NYAP2: variants seen among roughly 807,000 people sequenced by gnomAD.
The protein encoded by NYAP2 is neuronal tyrosine-phosphorylated phosphoinositide-3-kinase adaptor 2.
A neutral mutation model predicts 50.4 loss-of-function variants in NYAP2; 23 were observed. The ratio of observed to expected loss-of-function variants is 0.46; its 90% CI spans 0.33 to 0.65. The LOEUF is 0.65. Among genes scored for constraint, NYAP2 ranks in the 30% least tolerant of loss-of-function variants. NYAP2 has a pLI of 0.02. For synonymous variants in NYAP2, 394 were observed against 365.2 expected, an observed-to-expected ratio of 1.08 and a Z score of -0.90; for missense variants, 885 against 861.0, an observed-to-expected ratio of 1.03 and a Z score of -0.35.
At chr2:225,476,913 A>T (rs1690123775) in intron 3 of NYAP2, among the ~76,000 whole-genome samples, 2 of 152,210 alleles carry the variant, frequency 1.3e-5, no homozygotes, top group Non-Finnish European at 2.9e-5. Flanking sequence ...AATTGACTTT[A>T]AAAAACGGCT....
At chr2:225,407,604 A>C (rs895893652) in intron 2 of NYAP2, among the ~76,000 whole-genome samples, 1 of 152,026 alleles carries the variant, frequency 6.6e-6, no homozygotes, top group South Asian at 2.1e-4. Flanking sequence ...AATCAGAATG[A>C]AAATTATTTG....
intron 6 of NYAP2, among the ~76,000 whole-genome samples, chr2:225,628,313 TA>T (rs1170052878): frequency 6.8e-5 from 10 of 147,676 alleles, no homozygotes; most frequent in Non-Finnish European, 1.5e-4. Flanking sequence ...AGAGAACACA[TA>T]GTTTTTTTTT....
At chr2:225,498,272 A>T (rs1406483031) in intron 3 of NYAP2, among the ~76,000 whole-genome samples, 1 of 152,176 alleles carries the variant, frequency 6.6e-6, no homozygotes, top group Non-Finnish European at 1.5e-5. Context: ...ATATGAAGGA[A>T]GTTCACTAAA....
intron 4 of NYAP2, among the ~76,000 whole-genome samples, chr2:225,547,149 A>G (rs963724382): frequency 1.3e-5 from 2 of 152,144 alleles, no homozygotes; most frequent in Non-Finnish European, 2.9e-5. Context: ...CTGCACTGCC[A>G]AGCAAACCAT....
intron 4 of NYAP2, among the ~76,000 whole-genome samples, chr2:225,561,237 A>G (rs544816677): frequency 6.6e-6 from 1 of 152,204 alleles, no homozygotes; most frequent in East Asian, 1.9e-4. Context: ...TGATGAGGTG[A>G]TATTTGACCT....
At chr2:225,472,466 C>A (rs1690027072) in intron 3 of NYAP2, among the ~76,000 whole-genome samples, 1 of 152,154 alleles carries the variant, frequency 6.6e-6, no homozygotes, top group Non-Finnish European at 1.5e-5. Context: ...TGCATTGCAG[C>A]CTGACAGCAT....
At chr2:225,686,050 G>C in the NYAP2 span, among the ~76,000 whole-genome samples, 1 of 152,074 alleles carries the variant, frequency 6.6e-6, no homozygotes, top group Non-Finnish European at 1.5e-5. Flanking sequence ...TGTATGCTCT[G>C]TATACATGCA....
At chr2:225,641,422 A>AACAC (rs56041107) in intron 6 of NYAP2, among the ~76,000 whole-genome samples, 10,564 of 133,430 alleles carry the variant, frequency 0.079, 406 homozygotes, top group Non-Finnish European at 0.11. Flanking sequence ...CAATCCCTCA[A>AACAC]ACACACACAC....
intron 3 of NYAP2, among the ~76,000 whole-genome samples, chr2:225,424,501 C>T (rs1474437180): frequency 2.0e-5 from 3 of 151,148 alleles, no homozygotes; most frequent in Admixed American, 6.6e-5. Context: ...ACCTAAAGTC[C>T]CAGAGTTATG....
chr2:225,499,686 A>G (rs11692499), intron 3 of NYAP2, among the ~76,000 whole-genome samples: 44,834 of 151,974 alleles, frequency 0.3, 6,848 homozygotes, highest in South Asian at 0.48. Flanking sequence ...ACTTAAGGAC[A>G]GTGATAAGAA....
chr2:225,470,001 A>T (rs1689987077), intron 3 of NYAP2, among the ~76,000 whole-genome samples: 1 of 152,210 alleles, frequency 6.6e-6, no homozygotes, highest in Non-Finnish European at 1.5e-5. Flanking sequence ...AAGTAGAATA[A>T]TAAAAAAATA....
the NYAP2 span, among the ~76,000 whole-genome samples, chr2:225,694,927 A>C: frequency 6.6e-6 from 1 of 151,794 alleles, no homozygotes; most frequent in South Asian, 2.1e-4. Context: ...CATGAGTTAA[A>C]TATTATGGAG....
chr2:225,424,616 C>A (rs1200862681), intron 3 of NYAP2, among the ~76,000 whole-genome samples: 1 of 151,950 alleles, frequency 6.6e-6, no homozygotes, highest in Non-Finnish European at 1.5e-5. Context: ...CCCATCTGAA[C>A]TACAAAGTCA....
At chr2:225,532,163 G>A (rs921325705) in intron 4 of NYAP2, among the ~76,000 whole-genome samples, 4 of 152,078 alleles carry the variant, frequency 2.6e-5, no homozygotes, top group Admixed American at 1.3e-4. Context: ...ATTCTTAGAG[G>A]ACAGGTATAT....
At chr2:225,694,963 C>A in the NYAP2 span, among the ~76,000 whole-genome samples, 5 of 151,568 alleles carry the variant, frequency 3.3e-5, no homozygotes, top group African/African-American at 4.8e-5. Context: ...AAGTTATTTT[C>A]TTTTTCTAGC....
At chr2:225,419,271 G>C (rs527844863) in intron 3 of NYAP2, among the ~76,000 whole-genome samples, 9 of 152,202 alleles carry the variant, frequency 5.9e-5, no homozygotes, top group African/African-American at 2.2e-4. Context: ...AAGATGCTCC[G>C]ATAACGGGAA....
chr2:225,647,091 T>C (rs1306857292), intron 6 of NYAP2, among the ~76,000 whole-genome samples: 1 of 152,186 alleles, frequency 6.6e-6, no homozygotes, highest in Non-Finnish European at 1.5e-5. Context: ...TGATAATATC[T>C]TCAACATAAA....
chr2:225,541,665 C>A (rs2106204097), intron 4 of NYAP2, among the ~76,000 whole-genome samples: 1 of 152,170 alleles, frequency 6.6e-6, no homozygotes, highest in South Asian at 2.1e-4. Context: ...TGTTTTTATG[C>A]CAGTGCTATG....
the NYAP2 span, among the ~76,000 whole-genome samples, chr2:225,672,251 T>C: frequency 2.6e-5 from 4 of 152,148 alleles, no homozygotes; most frequent in Non-Finnish European, 4.4e-5. Flanking sequence ...CTTCATCAGT[T>C]ATTTTAGCTA....
Sources: allele counts gnomAD v4.1 joint callset (sites outside exome capture counted in the v4.1 genomes callset), GRCh38; gene constraint gnomAD v4.1.1; transcripts MANE v1.5; gene names NCBI Gene and HGNC (gene_info 2026-07-23, HGNC 2026-07-21).